The following ASB4 variants were observed in gnomAD, a reference collection of about 807,000 sequenced individuals.
ASB4 encodes the protein ankyrin repeat and SOCS box protein 4.
A neutral mutation model predicts 38.6 loss-of-function variants in ASB4; 35 were observed. That is an observed-to-expected ratio of 0.91 (90% CI 0.69 to 1.20). The LOEUF (loss-of-function observed/expected upper bound fraction) is 1.20. Ranked by LOEUF, ASB4 falls within the 50% of genes most tolerant of loss-of-function variation. ASB4 has a pLI of 0.00. For missense variants in ASB4, 557 were observed against 527.2 expected (o/e 1.06, Z -0.55); for synonymous variants, 195 against 201.3 (o/e 0.97, Z 0.26).
chr7:95,524,938 A>G (rs1273171609), intron 2 of ASB4, among the ~76,000 whole-genome samples: 1 of 151,944 alleles, frequency 6.6e-6, no homozygotes. Flanking sequence ...GTTAACAGGA[A>G]CCCCTCTTAC....
chr7:95,517,600 TG>T (rs1790601779), intron 2 of ASB4, among the ~76,000 whole-genome samples: 1 of 143,672 alleles, frequency 7.0e-6, no homozygotes, highest in Admixed American at 6.7e-5. Context: ...CCAAGGAAAC[TG>T]AAAAAAAAAA....
intron 2 of ASB4, among the ~76,000 whole-genome samples, chr7:95,519,975 T>C (rs1414617470): frequency 1.3e-5 from 2 of 151,874 alleles, no homozygotes; most frequent in Non-Finnish European, 2.9e-5. Context: ...CAAAACAGAG[T>C]AGAATAAAAA....
intron 2 of ASB4, among the ~76,000 whole-genome samples, chr7:95,512,111 C>A (rs1310083321): frequency 1.3e-5 from 2 of 148,578 alleles, no homozygotes; most frequent in Non-Finnish European, 2.9e-5. Context: ...AACACTTGAT[C>A]CTCCCATGCT....
the ASB4 span, among the ~76,000 whole-genome samples, chr7:95,546,621 T>C: frequency 6.6e-6 from 1 of 152,202 alleles, no homozygotes; most frequent in East Asian, 1.9e-4. Flanking sequence ...AGCCGCAGAG[T>C]TCTTCTCAGT....
At chr7:95,476,621 G>T (rs1048478484), upstream of ASB4, among the ~76,000 whole-genome samples, 2 of 152,152 alleles carry the variant, frequency 1.3e-5, no homozygotes, top group African/African-American at 4.8e-5. Context: ...AGTAGCTGCT[G>T]CTTTAACCTC....
chr7:95,498,035 A>C (rs1790276418), intron 2 of ASB4, among the ~76,000 whole-genome samples: 1 of 152,186 alleles, frequency 6.6e-6, no homozygotes, highest in Admixed American at 6.5e-5. Flanking sequence ...CTCTTATATA[A>C]ATACCTAGGA....
At chr7:95,474,328 C>A (rs951010054), upstream of ASB4, among the ~76,000 whole-genome samples, 2 of 152,138 alleles carry the variant, frequency 1.3e-5, no homozygotes, top group African/African-American at 4.8e-5. Context: ...TGGACTGTAG[C>A]AGTTGATAAT....
At chr7:95,506,766 T>C (rs749689564) in intron 2 of ASB4, among the ~76,000 whole-genome samples, 8 of 151,740 alleles carry the variant, frequency 5.3e-5, no homozygotes, top group Non-Finnish European at 1.0e-4. Flanking sequence ...TCATCCTTTG[T>C]ACTGAGTCCA....
At chr7:95,525,177 A>G (rs1212204105) in intron 2 of ASB4, among the ~76,000 whole-genome samples, 1 of 152,200 alleles carries the variant, frequency 6.6e-6, no homozygotes, top group Non-Finnish European at 1.5e-5. Context: ...GGTCTGAGGC[A>G]GATTCTCCTC....
At chr7:95,486,650 C>T (rs43069) in intron 1 of ASB4, among the ~76,000 whole-genome samples, 29,276 of 152,182 alleles carry the variant, frequency 0.19, 3,086 homozygotes, top group Middle Eastern at 0.34. Context: ...ATGGATAAAG[C>T]GGTGCCACAG....
At chr7:95,515,187 TTC>T (rs1317253404) in intron 2 of ASB4, among the ~76,000 whole-genome samples, 1 of 121,872 alleles carries the variant, frequency 8.2e-6, no homozygotes, top group Non-Finnish European at 1.6e-5. Flanking sequence ...CTTTCTTTCT[TTC>T]TTTCTTTCTT....
chr7:95,515,332 C>CCTTT lies in ASB4; in HGVS notation c.488-12464_488-12461dup, dbSNP rs1412933677. Among the ~76,000 whole-genome samples the CCTTT allele has an allele frequency of 1.3e-3, 150 of 119,638 alleles. 2 individuals carry two copies. Among genetic ancestry groups the CCTTT allele is most frequent in the Middle Eastern group, 4.6e-3 (1 of 218 alleles). 78.5% of individuals were successfully genotyped at this position (119,638 alleles called of 152,430 possible). On this transcript the variant is annotated intron_variant, in intron 2 of 4. Coordinates refer to ENST00000325885, the MANE Select transcript of ASB4 (RefSeq NM_016116.3). Reference sequence around the variant, plus strand: ...TTCTTTCTTTCTTCCTTCCTTCCTTCCTTTCTTTCTTTCTTTCTTTTTCTT... The same window carrying CCTTT: ...TTCTTTCTTTCTTCCTTCCTTCCTTCCTTTCTTTCTTTCTTTCTTTCTTTTTCTT...
intron 2 of ASB4, among the ~76,000 whole-genome samples, chr7:95,512,281 A>C (rs1022583766): frequency 6.6e-6 from 1 of 152,216 alleles, no homozygotes; most frequent in Non-Finnish European, 1.5e-5. Context: ...TCATGAGGGC[A>C]AAATTTAACT....
intron 2 of ASB4, among the ~76,000 whole-genome samples, chr7:95,504,488 ATCT>A (rs375358155): frequency 1.1e-3 from 164 of 152,274 alleles, no homozygotes; most frequent in African/African-American, 3.6e-3. Context: ...CCATCTTTTC[ATCT>A]TCTGCGTTAT....
intron 1 of ASB4, among the ~76,000 whole-genome samples, chr7:95,491,415 C>T (rs553644001): frequency 1.1e-4 from 17 of 152,246 alleles, no homozygotes; most frequent in African/African-American, 3.6e-4. Context: ...CTTGGTTCCC[C>T]GGTTCTCCCT....
At chr7:95,494,559 G>A (rs1367427015) in intron 1 of ASB4, among the ~76,000 whole-genome samples, 1 of 152,122 alleles carries the variant, frequency 6.6e-6, no homozygotes, top group Non-Finnish European at 1.5e-5. Context: ...AATTTATTTT[G>A]TTGTTTCAGC....
intron 3 of ASB4, among the ~76,000 whole-genome samples, chr7:95,529,174 C>T (rs1790786639): frequency 6.6e-6 from 1 of 152,108 alleles, no homozygotes; most frequent in African/African-American, 2.4e-5. Flanking sequence ...ATGAGTGCTA[C>T]AGAAATATGG....
In ASB4 at chr7:95,529,142, T is replaced by C. The variant is rs188641924; in HGVS notation, c.978+839T>C. Among the ~76,000 whole-genome samples, 815 of 152,274 alleles carry C rather than the reference T, an allele frequency of 5.4e-3. 4 individuals are homozygous for C. Among genetic ancestry groups the C allele is most frequent in the African/African-American group, 0.019 (777 of 41,542 alleles). The stretch of plus-strand genomic sequence containing the variant: ...AAGGGGTAATTTTAATATGCTGTGG[T>C]AAATGACAAGGTAGAAGAATAATGA... On this transcript the variant is annotated intron_variant, in intron 3 of 4. Coordinates refer to ENST00000325885, the MANE Select transcript of ASB4 (RefSeq NM_016116.3).
chr7:95,491,412 C>T (rs3779490), intron 1 of ASB4, among the ~76,000 whole-genome samples: 42,180 of 152,018 alleles, frequency 0.28, 5,992 homozygotes, highest in East Asian at 0.36. Context: ...GGGCTTGGTT[C>T]CCCGGTTCTC....
Sources: gnomAD v4.1 joint callset for allele counts (sites outside exome capture counted in the v4.1 genomes callset) on GRCh38, gnomAD v4.1.1 for gene constraint, MANE v1.5 for transcripts, NCBI Gene and HGNC (gene_info 2026-07-23, HGNC 2026-07-21) for gene names.